MYO1E: variants seen among roughly 807,000 people sequenced by gnomAD.
The protein encoded by MYO1E is myosin IE.
In MYO1E, 68 loss-of-function variants were observed where a neutral mutation model predicts 151.1. The observed-to-expected ratio is 0.45, with a 90% CI of 0.37 to 0.55. The LOEUF is 0.55. MYO1E is among the 20% of genes least tolerant of loss of function. The pLI is 0.00. For missense variants in MYO1E, 1,363 were observed against 1,389.3 expected (o/e 0.98, Z 0.30); for synonymous variants, 601 against 501.7 (o/e 1.20, Z -2.64).
intron 8 of MYO1E, among the ~76,000 whole-genome samples, chr15:59,223,504 G>A (rs1349560136): frequency 6.6e-6 from 1 of 152,132 alleles, no homozygotes; most frequent in African/African-American, 2.4e-5. Context: ...CCAGGAATAA[G>A]AGAATACTCC....
intron 1 of MYO1E, among the ~76,000 whole-genome samples, chr15:59,310,936 G>C (rs2140410454): frequency 6.6e-6 from 1 of 152,234 alleles, no homozygotes; most frequent in Non-Finnish European, 1.5e-5. Context: ...CCCTTAGTGT[G>C]CCATGTAAGC....
chr15:59,178,734 G>A (rs1215645450), intron 18 of MYO1E, among the ~76,000 whole-genome samples, 197 bp from the exon 19 acceptor site: 1 of 152,200 alleles, frequency 6.6e-6, no homozygotes. Context: ...GCTCGTTCCC[G>A]AGCTGCCTCC....
At chr15:59,250,504 G>A (rs905644090) in intron 4 of MYO1E, among the ~76,000 whole-genome samples, 2 of 152,076 alleles carry the variant, frequency 1.3e-5, no homozygotes, top group East Asian at 1.9e-4. Flanking sequence ...CCCAGACCTC[G>A]CCCTCAACCT....
Position 59,179,704 on chromosome 15 carries a change from T to TA in MYO1E, c.1905-1168dup, listed in dbSNP as rs1304356459. ...CTCTGTCTCTTTCATGATGGCACTG[T>TA]AAAAAAGCCATGGACTGGTTCACAT... On this transcript the variant is annotated intron_variant, in intron 18 of 27. Transcript: ENST00000288235. Among the ~76,000 whole-genome samples, 229 of 152,344 alleles carry TA rather than the reference T, an allele frequency of 1.5e-3. 4 individuals are homozygous for TA. The highest frequency in any genetic ancestry group is 0.011 in the Admixed American group (163 of 15,300).
chr15:59,333,884 G>A (rs1295603940), intron 1 of MYO1E, among the ~76,000 whole-genome samples: 1 of 152,180 alleles, frequency 6.6e-6, no homozygotes. Context: ...TTCTTCCTCT[G>A]AAACCCCCTG....
intron 4 of MYO1E, among the ~76,000 whole-genome samples, chr15:59,237,085 A>G (rs879805148): frequency 3.3e-5 from 5 of 152,258 alleles, no homozygotes; most frequent in African/African-American, 4.8e-5. Context: ...GTTATATACA[A>G]AACATGATTA....
intron 4 of MYO1E, among the ~76,000 whole-genome samples, chr15:59,241,324 G>T (rs1273728665): frequency 6.6e-6 from 1 of 152,096 alleles, no homozygotes; most frequent in Admixed American, 6.5e-5. Context: ...GCAAGATCTC[G>T]TTTCTTAAAA....
intron 2 of MYO1E, among the ~76,000 whole-genome samples, chr15:59,272,045 T>C (rs759259621): frequency 6.6e-5 from 10 of 152,246 alleles, no homozygotes; most frequent in Non-Finnish European, 1.2e-4. Flanking sequence ...GTGAAAACAA[T>C]GTGAGCACAC....
At chr15:59,291,552 G>A (rs2140396930) in intron 1 of MYO1E, among the ~76,000 whole-genome samples, 1 of 151,556 alleles carries the variant, frequency 6.6e-6, no homozygotes, top group South Asian at 2.1e-4. Flanking sequence ...GAGAACAAAG[G>A]TGGCCAGGCG....
At chr15:59,217,518 C>CTTT (rs1334637019) in intron 10 of MYO1E, among the ~76,000 whole-genome samples, 2 of 10,706 alleles carry the variant, frequency 1.9e-4, no homozygotes, top group Non-Finnish European at 4.1e-4. Flanking sequence ...AGTCGTTTTA[C>CTTT]CTTTTTTTTT....
At chr15:59,224,587 T>C (rs1431915631) in intron 8 of MYO1E, 102 bp downstream of exon 8, 15 of 1,489,666 alleles carry the variant, frequency 1.0e-5, no homozygotes, top group African/African-American at 6.9e-5. Flanking sequence ...GAGGCGGACA[T>C]TTCATGCAGC....
chr15:59,338,074 T>C (rs1386640914), intron 1 of MYO1E, among the ~76,000 whole-genome samples: 1 of 152,130 alleles, frequency 6.6e-6, no homozygotes, highest in Non-Finnish European at 1.5e-5. Flanking sequence ...TCTGTGGTCT[T>C]TGCAGAGTCA....
intron 1 of MYO1E, among the ~76,000 whole-genome samples, chr15:59,281,418 G>A (rs2080352652): frequency 6.6e-6 from 1 of 151,886 alleles, no homozygotes. Context: ...TGGGACTACA[G>A]GCGTGCACTA....
chr15:59,240,250 G>T (rs950520748), intron 4 of MYO1E, among the ~76,000 whole-genome samples: 2 of 152,228 alleles, frequency 1.3e-5, no homozygotes, highest in East Asian at 3.8e-4. Context: ...TCTAGGAATA[G>T]GAATTTCTAA....
chr15:59,249,326 G>A (rs1173857219), intron 4 of MYO1E, among the ~76,000 whole-genome samples: 3 of 151,670 alleles, frequency 2.0e-5, no homozygotes, highest in Non-Finnish European at 4.4e-5. Flanking sequence ...TCAGAAGGCT[G>A]AGGCAAGAAA....
intron 26 of MYO1E, among the ~76,000 whole-genome samples, chr15:59,143,990 TTGGC>T (rs1164064256): frequency 6.6e-6 from 1 of 152,104 alleles, no homozygotes; most frequent in Admixed American, 6.5e-5. Flanking sequence ...GTGTGGCTAT[TTGGC>T]TAACTCCCCC....
intron 4 of MYO1E, among the ~76,000 whole-genome samples, chr15:59,246,964 A>G (rs1454653053): frequency 2.0e-5 from 3 of 152,176 alleles, no homozygotes; most frequent in Non-Finnish European, 4.4e-5. Context: ...ACGGCCAACA[A>G]TGACAAAGGG....
chr15:59,144,385 T>C (rs1220269274), intron 26 of MYO1E, among the ~76,000 whole-genome samples: 2 of 152,088 alleles, frequency 1.3e-5, no homozygotes, highest in Non-Finnish European at 2.9e-5. Flanking sequence ...TAGGCTGGTG[T>C]TGAACTCCTG....
At chr15:59,298,961 C>T (rs777743872) in intron 1 of MYO1E, among the ~76,000 whole-genome samples, 9 of 152,158 alleles carry the variant, frequency 5.9e-5, no homozygotes, top group Non-Finnish European at 1.2e-4. Context: ...CTTTGTTATA[C>T]AAGAACCACC....
Sources: allele counts gnomAD v4.1 joint callset (sites outside exome capture counted in the v4.1 genomes callset), GRCh38; gene constraint gnomAD v4.1.1; transcripts MANE v1.5; gene names NCBI Gene and HGNC (gene_info 2026-07-23, HGNC 2026-07-21).